AGBL4: variants seen among roughly 807,000 people sequenced by gnomAD.
The protein encoded by AGBL4 is AGBL carboxypeptidase 4.
A neutral mutation model predicts 66.4 loss-of-function variants in AGBL4; 58 were observed. That is an observed-to-expected ratio of 0.87 (90% CI 0.71 to 1.09). The LOEUF is 1.09. AGBL4 is among the 50% of genes least tolerant of loss of function. AGBL4 has a pLI of 0.00. For missense variants in AGBL4, 579 were observed against 631.0 expected, an observed-to-expected ratio of 0.92 and a Z score of 0.88; for synonymous variants, 234 against 222.9, an observed-to-expected ratio of 1.05 and a Z score of -0.44.
intron 3 of AGBL4, among the ~76,000 whole-genome samples, chr1:49,657,506 G>A (rs1364344769): frequency 2.0e-5 from 3 of 151,494 alleles, no homozygotes; most frequent in African/African-American, 4.9e-5. Flanking sequence ...GGAAAAAACT[G>A]CTTTAAAGTT....
chr1:49,995,595 T>G (rs1660308422), intron 1 of AGBL4: 2 of 267,450 alleles, frequency 7.5e-6, no homozygotes, highest in Non-Finnish European at 1.5e-5. Flanking sequence ...ACATAGTCTC[T>G]TGGGAACTCT....
chr1:49,899,728 A>C (rs1445276844), intron 1 of AGBL4, among the ~76,000 whole-genome samples: 1 of 152,180 alleles, frequency 6.6e-6, no homozygotes, highest in Non-Finnish European at 1.5e-5. Context: ...TTGGTGTCGT[A>C]CATAAAAGGT....
chr1:49,365,382 C>G (rs2148543272), intron 3 of AGBL4, among the ~76,000 whole-genome samples: 1 of 151,828 alleles, frequency 6.6e-6, no homozygotes, highest in South Asian at 2.1e-4. Flanking sequence ...CAACATATAC[C>G]ACTTAGTGTT....
chr1:49,221,588 C>T (rs1161557953), intron 4 of AGBL4, among the ~76,000 whole-genome samples: 1 of 152,124 alleles, frequency 6.6e-6, no homozygotes, highest in Non-Finnish European at 1.5e-5. Flanking sequence ...CGCATTTCAC[C>T]GTTTACAAAC....
intron 8 of AGBL4, among the ~76,000 whole-genome samples, chr1:48,635,342 C>A (rs968551190): frequency 6.6e-6 from 1 of 152,206 alleles, no homozygotes; most frequent in Non-Finnish European, 1.5e-5. Flanking sequence ...TTCCTCAATG[C>A]CCCTGGAGGG....
At chr1:48,650,787 T>C (rs1645917006) in intron 8 of AGBL4, among the ~76,000 whole-genome samples, 1 of 152,328 alleles carries the variant, frequency 6.6e-6, no homozygotes, top group Non-Finnish European at 1.5e-5. Context: ...TCACTTAACT[T>C]TGGGAAACAC....
chr1:49,889,647 C>G, intron 1 of AGBL4, among the ~76,000 whole-genome samples: 1 of 152,022 alleles, frequency 6.6e-6, no homozygotes, highest in Non-Finnish European at 1.5e-5. Context: ...GTCCCAGCTA[C>G]TCAGGAGGCT....
At chr1:49,972,166 C>G (rs1361024971) in intron 1 of AGBL4, among the ~76,000 whole-genome samples, 1 of 151,652 alleles carries the variant, frequency 6.6e-6, no homozygotes, top group Non-Finnish European at 1.5e-5. Context: ...ATCCAGGCCT[C>G]CCAAAGTGCT....
intron 1 of AGBL4, among the ~76,000 whole-genome samples, chr1:49,982,684 C>T (rs1362328095): frequency 3.3e-5 from 5 of 152,224 alleles, no homozygotes; most frequent in South Asian, 2.1e-4. Context: ...ACCTGGTGGC[C>T]GCCCATGAAC....
intron 3 of AGBL4, among the ~76,000 whole-genome samples, chr1:49,391,526 A>G (rs1206350701): frequency 6.6e-6 from 1 of 151,354 alleles, no homozygotes; most frequent in Non-Finnish European, 1.5e-5. Flanking sequence ...ATGAGAGAGC[A>G]TGAAAAATCC....
intron 2 of AGBL4, among the ~76,000 whole-genome samples, chr1:49,735,484 T>C (rs1649810137): frequency 6.6e-6 from 1 of 151,926 alleles, no homozygotes. Context: ...TGTGATCCTA[T>C]AATTTTATAT....
At chr1:49,704,588 C>A (rs1647166540) in intron 2 of AGBL4, among the ~76,000 whole-genome samples, 1 of 152,010 alleles carries the variant, frequency 6.6e-6, no homozygotes, top group Non-Finnish European at 1.5e-5. Flanking sequence ...TTTAATACAT[C>A]TTGAGCTAAT....
At chr1:48,872,568 C>T (rs1328138049) in intron 5 of AGBL4, among the ~76,000 whole-genome samples, 1 of 152,134 alleles carries the variant, frequency 6.6e-6, no homozygotes, top group Non-Finnish European at 1.5e-5. Context: ...ATCTGGGAGA[C>T]TCTTCAGGCA....
At chr1:50,012,914 G>GA (rs1262358149) in intron 1 of AGBL4, among the ~76,000 whole-genome samples, 1 of 152,032 alleles carries the variant, frequency 6.6e-6, no homozygotes, top group Non-Finnish European at 1.5e-5. Flanking sequence ...ATAATAAAAG[G>GA]AAAAAAACAT....
chr1:49,045,661 G>A lies in AGBL4; in HGVS notation c.517C>T (p.Arg173Cys), dbSNP rs1042943355. ...FAYCYPYTYT[R>C]FQHYLDSLQK... The stretch of plus-strand genomic sequence containing the variant: ...AGGCTGTCAAGGTAATGTTGGAAGC[G>A]AGTGTATGTATATGGGTAGCAGTAA... Residue 173 changes from arginine to cysteine, a missense_variant, in exon 5 of 14, where the codon CGC (arginine) becomes TGC (cysteine). Arg to Cys is a radical substitution (Grantham distance 180, BLOSUM62 -3). Transcript: ENST00000371839. 3.1e-6 allele frequency: 5 copies of A among 1,588,756 alleles called. No homozygotes were observed. Among genetic ancestry groups the A allele is most frequent in the Admixed American group, 3.5e-5 (2 of 56,828 alleles).
intron 3 of AGBL4, among the ~76,000 whole-genome samples, chr1:49,333,553 G>A (rs955275996): frequency 3.3e-5 from 5 of 151,994 alleles, no homozygotes; most frequent in Non-Finnish European, 5.9e-5. Flanking sequence ...GCAAAAGAAC[G>A]ATTCAAGTTA....
intron 5 of AGBL4, among the ~76,000 whole-genome samples, chr1:48,901,551 C>T (rs1195832276): frequency 6.6e-6 from 1 of 152,082 alleles, no homozygotes; most frequent in African/African-American, 2.4e-5. Context: ...AAACGAATGA[C>T]CCACTGATGC....
In AGBL4 at chr1:49,915,192, C is replaced by T. The variant is rs148752649; in HGVS notation, c.35-63674G>A. Among the ~76,000 whole-genome samples, 24 of 152,212 alleles carry T rather than the reference C, an allele frequency of 1.6e-4. No homozygotes were observed. The East Asian group carries it at 3.7e-3, about 23-fold the overall frequency. On this transcript the variant is annotated intron_variant, in intron 1 of 13. Transcript: ENST00000371839. ...AGACAGGTGATTTCTGCATTTCCAA[C>T]GGAGGTACTGGGTTCATCTCACTGG...
At chr1:48,695,478 G>C (rs1008523403) in intron 6 of AGBL4, among the ~76,000 whole-genome samples, 3 of 152,200 alleles carry the variant, frequency 2.0e-5, no homozygotes, top group African/African-American at 7.2e-5. Context: ...TCCAGAAATT[G>C]AGTAATGCCA....
Sources: allele counts gnomAD v4.1 joint callset (sites outside exome capture counted in the v4.1 genomes callset), GRCh38; gene constraint gnomAD v4.1.1; transcripts MANE v1.5; gene names NCBI Gene and HGNC (gene_info 2026-07-23, HGNC 2026-07-21).